Variants in CNTN5 observed in about 807,000 individuals in gnomAD.
CNTN5 encodes contactin-5.
In CNTN5, 77 loss-of-function variants were observed where a neutral mutation model predicts 129.1. The ratio of observed to expected loss-of-function variants is 0.60; its 90% CI spans 0.50 to 0.72. The LOEUF (loss-of-function observed/expected upper bound fraction) is 0.72. Among genes scored for constraint, CNTN5 ranks in the 30% least tolerant of loss-of-function variants. CNTN5 has a pLI of 0.00. For missense variants in CNTN5, 1,478 were observed against 1,328.8 expected (o/e 1.11, Z -1.75); for synonymous variants, 509 against 465.6 (o/e 1.09, Z -1.20).
rs533453340 is a variant in CNTN5 at position 99,704,582 on chromosome 11, A to T, written c.56-114962A>T. Among the ~76,000 whole-genome samples the T allele has an allele frequency of 5.3e-5, 8 of 151,316 alleles. No individual in the cohort carries two copies. In the East Asian group the frequency reaches 1.6e-3, roughly 29 times the overall value. On this transcript the variant is annotated intron_variant, in intron 3 of 24. Coordinates refer to ENST00000524871, the MANE Select transcript of CNTN5 (RefSeq NM_014361.4). ...TAAATGTGTGTAATAAGTTTATTAT[A>T]ATACAAAAAAGAGAACCCGATTTTA... is the stretch of plus-strand genomic sequence containing the variant.
intron 8 of CNTN5, among the ~76,000 whole-genome samples, chr11:99,997,026 G>C (rs929199913): frequency 6.6e-6 from 1 of 152,000 alleles, no homozygotes; most frequent in Admixed American, 6.6e-5. Context: ...CACATTCTTT[G>C]CACATTTCAA....
chr11:100,197,983 T>A (rs1948688934), intron 15 of CNTN5, among the ~76,000 whole-genome samples: 1 of 151,812 alleles, frequency 6.6e-6, no homozygotes, highest in Non-Finnish European at 1.5e-5. Context: ...TTTGAGCCCA[T>A]TTTTTTAATG....
rs554159968 is a variant in CNTN5 at position 99,150,189 on chromosome 11, T to A, written c.-210+128919T>A. On this transcript the variant is annotated intron_variant, in intron 1 of 24. Coordinates refer to ENST00000524871, the MANE Select transcript of CNTN5 (RefSeq NM_014361.4). Reference sequence around the variant, plus strand: ...AGTACAACAAAGTTTATACACTAAATATTATTTTAAATCACAAATGACTGT... The same window carrying A: ...AGTACAACAAAGTTTATACACTAAAAATTATTTTAAATCACAAATGACTGT... Among the ~76,000 whole-genome samples the A allele has an allele frequency of 1.8e-4, 27 of 152,210 alleles. 2 individuals are homozygous for A. The East Asian group carries it at 5.2e-3, about 29-fold the overall frequency.
intron 1 of CNTN5, among the ~76,000 whole-genome samples, chr11:99,311,347 A>G (rs1865107611): frequency 6.6e-6 from 1 of 152,130 alleles, no homozygotes; most frequent in Admixed American, 6.6e-5. Context: ...ATGTCCATAT[A>G]TAAGGGGTTA....
In CNTN5 at chr11:99,752,435, A is replaced by T. The variant is rs148767630; in HGVS notation, c.56-67109A>T. 1.1e-3 allele frequency among the ~76,000 whole-genome samples: 174 copies of T among 152,132 alleles called. 1 individual carries two copies. Among genetic ancestry groups the T allele is most frequent in the African/African-American group, 3.9e-3 (160 of 41,416 alleles). ...AATGAAAAGATAAATTGGTCAGTAG[A>T]TTAACAGACAATCCAGTGTGACTTA... On this transcript the variant is annotated intron_variant, in intron 3 of 24. Transcript: ENST00000524871.
intron 9 of CNTN5, among the ~76,000 whole-genome samples, chr11:100,008,255 C>A (rs1262017227): frequency 1.3e-5 from 2 of 151,950 alleles, no homozygotes; most frequent in Non-Finnish European, 2.9e-5. Context: ...AAAAATTGTG[C>A]CAGTAGATTT....
chr11:99,353,652 C>T (rs555393512), intron 2 of CNTN5, among the ~76,000 whole-genome samples: 39 of 152,298 alleles, frequency 2.6e-4, no homozygotes, highest in African/African-American at 8.7e-4. Flanking sequence ...CACAGGCTTA[C>T]CATCTATAAC....
At chr11:100,194,531 A>C (rs1292026227) in intron 15 of CNTN5, among the ~76,000 whole-genome samples, 1 of 151,794 alleles carries the variant, frequency 6.6e-6, no homozygotes, top group Non-Finnish European at 1.5e-5. Flanking sequence ...TTGGAAAACC[A>C]TAGCTTTAGT....
At chr11:99,058,021 GT>G (rs1404617611) in intron 1 of CNTN5, among the ~76,000 whole-genome samples, 2 of 152,026 alleles carry the variant, frequency 1.3e-5, no homozygotes, top group African/African-American at 4.8e-5. Context: ...GACCTCCCTA[GT>G]TTTTTCCTAG....
At chr11:99,955,061 C>A (rs764285245) in intron 7 of CNTN5, among the ~76,000 whole-genome samples, 2 of 151,860 alleles carry the variant, frequency 1.3e-5, no homozygotes, top group Non-Finnish European at 2.9e-5. Flanking sequence ...TAGTTGCTTT[C>A]TTTTCTCTGT....
At chr11:99,626,033 A>G (rs1024700378) in intron 3 of CNTN5, among the ~76,000 whole-genome samples, 3 of 152,080 alleles carry the variant, frequency 2.0e-5, no homozygotes, top group Admixed American at 6.6e-5. Context: ...GGGAGCAGAA[A>G]GAGGCCAACT....
In CNTN5 at chr11:99,636,960, C is replaced by T. The variant is rs777073541; in HGVS notation, c.55+80691C>T. Among the ~76,000 whole-genome samples, 48 of 58,442 alleles carry T rather than the reference C, an allele frequency of 8.2e-4. 12 individuals are homozygous for T. The highest frequency in any genetic ancestry group is 1.5e-3 in the Non-Finnish European group (41 of 27,674). The allele number at this position is 58,442 out of a possible 152,430, so 38.3% of individuals were successfully genotyped here. A position where few individuals can be genotyped will look rare whatever the true frequency, so the allele number is the denominator to read the frequency against. ...CCCAGGAGGCAGAGGTTGCAGTGAG[C>T]GAAGATCATGCCACTGCACTCCAGC... On this transcript the variant is annotated intron_variant, in intron 3 of 24. Coordinates refer to ENST00000524871, the MANE Select transcript of CNTN5 (RefSeq NM_014361.4).
chr11:99,448,243 A>G (rs1358020757), intron 2 of CNTN5, among the ~76,000 whole-genome samples: 2 of 152,182 alleles, frequency 1.3e-5, no homozygotes, highest in Non-Finnish European at 2.9e-5. Context: ...ACAATGAATA[A>G]TATGAAAGAC....
intron 4 of CNTN5, among the ~76,000 whole-genome samples, chr11:99,833,880 G>A (rs1053712548): frequency 2.6e-5 from 4 of 152,146 alleles, no homozygotes; most frequent in South Asian, 4.1e-4. Context: ...TTCCTTCTTC[G>A]TGTTTCAGAC....
At chr11:100,093,578 T>C (rs1339891081) in intron 13 of CNTN5, among the ~76,000 whole-genome samples, 1 of 152,058 alleles carries the variant, frequency 6.6e-6, no homozygotes, top group Non-Finnish European at 1.5e-5. Context: ...AAGTTGCAAG[T>C]TTTCAGGTGC....
chr11:100,123,290 A>G (rs563266382), intron 13 of CNTN5, among the ~76,000 whole-genome samples: 4 of 152,104 alleles, frequency 2.6e-5, no homozygotes, highest in Non-Finnish European at 4.4e-5. Context: ...TTTTTCTATT[A>G]TTGTTAGATA....
chr11:100,044,230 TA>T (rs1393732019), intron 9 of CNTN5, among the ~76,000 whole-genome samples: 1 of 152,080 alleles, frequency 6.6e-6, no homozygotes, highest in Non-Finnish European at 1.5e-5. Flanking sequence ...AGTCAGTCAT[TA>T]ATGGATACTC....
intron 1 of CNTN5, among the ~76,000 whole-genome samples, chr11:99,176,691 C>A (rs1430984120): frequency 6.6e-6 from 1 of 152,168 alleles, no homozygotes; most frequent in Non-Finnish European, 1.5e-5. Flanking sequence ...AGATTCTAAT[C>A]ATTTCCCACC....
chr11:99,214,193 A>G (rs1859991146), intron 1 of CNTN5, among the ~76,000 whole-genome samples: 1 of 152,002 alleles, frequency 6.6e-6, no homozygotes, highest in Non-Finnish European at 1.5e-5. Context: ...ACTGGAAGTC[A>G]GATGAAGAAG....
Sources: gnomAD v4.1 joint callset for allele counts (sites outside exome capture counted in the v4.1 genomes callset) on GRCh38, gnomAD v4.1.1 for gene constraint, MANE v1.5 for transcripts, NCBI Gene and HGNC (gene_info 2026-07-23, HGNC 2026-07-21) for gene names.